SLC24A2: variants seen among roughly 807,000 people sequenced by gnomAD.
The protein encoded by SLC24A2 is sodium/potassium/calcium exchanger 2.
In SLC24A2, 36 loss-of-function variants were observed where a neutral mutation model predicts 62.0. The ratio of observed to expected loss-of-function variants is 0.58; its 90% CI spans 0.44 to 0.77. The LOEUF (loss-of-function observed/expected upper bound fraction) is 0.77, where lower values mean the gene tolerates loss of function less well. Among genes scored for constraint, SLC24A2 ranks in the 30% least tolerant of loss-of-function variants. The pLI is 0.00. For missense variants in SLC24A2, 846 were observed against 817.9 expected (o/e 1.03, Z -0.42); for synonymous variants, 358 against 294.0 (o/e 1.22, Z -2.23).
At chr9:19,630,938 A>G (rs1188030121) in intron 2 of SLC24A2, among the ~76,000 whole-genome samples, 2 of 152,192 alleles carry the variant, frequency 1.3e-5, no homozygotes, top group Admixed American at 1.3e-4. Context: ...TGTCACGAAG[A>G]TGAGTTATAA....
chr9:20,089,197 A>G, the SLC24A2 span, among the ~76,000 whole-genome samples: 15,711 of 152,106 alleles, frequency 0.1, 1,329 homozygotes, highest in African/African-American at 0.23. Flanking sequence ...AGGGACCAGA[A>G]ACTGGTCTGG....
chr9:19,523,662 C>T (rs1484298783), intron 9 of SLC24A2, among the ~76,000 whole-genome samples: 2 of 152,096 alleles, frequency 1.3e-5, no homozygotes, highest in African/African-American at 2.4e-5. Context: ...GGGGTTTCAC[C>T]ACGTTGGCCA....
At chr9:19,740,075 GA>G (rs943081454) in intron 2 of SLC24A2, among the ~76,000 whole-genome samples, 1 of 152,124 alleles carries the variant, frequency 6.6e-6, no homozygotes, top group Non-Finnish European at 1.5e-5. Context: ...CGGTCAAAAT[GA>G]AAAATACAGA....
intron 5 of SLC24A2, among the ~76,000 whole-genome samples, chr9:19,592,289 T>C (rs1836575756): frequency 6.6e-6 from 1 of 152,216 alleles, no homozygotes. Flanking sequence ...TTTTTGCCCT[T>C]GATATCACAA....
the SLC24A2 span, among the ~76,000 whole-genome samples, chr9:20,016,602 T>C: frequency 3.9e-5 from 6 of 152,244 alleles, no homozygotes; most frequent in African/African-American, 1.4e-4. Context: ...GTATGATTTA[T>C]TTTACTCTTC....
chr9:19,738,585 T>G (rs564549776), intron 2 of SLC24A2, among the ~76,000 whole-genome samples: 1 of 151,876 alleles, frequency 6.6e-6, no homozygotes, highest in Non-Finnish European at 1.5e-5. Flanking sequence ...GCTGTATATA[T>G]AGAAAAGTAT....
At chr9:20,301,955 C>T in the SLC24A2 span, among the ~76,000 whole-genome samples, 51,073 of 151,960 alleles carry the variant, frequency 0.34, 8,933 homozygotes, top group South Asian at 0.59. Context: ...ACTGTCTTCA[C>T]AGTTTTGCCT....
rs529512568 is a variant in SLC24A2 at position 19,637,117 on chromosome 9, C to A, written c.931-14818G>T. ...ACGGAAAGGAGGAATTCCAAAAGGA[C>A]CCGTCTAGCCCATCCAGTTGACAGC... On this transcript the variant is annotated intron_variant, in intron 2 of 10. Transcript: ENST00000341998. 5.1e-4 allele frequency among the ~76,000 whole-genome samples: 77 copies of A among 152,306 alleles called. 1 individual carries two copies. In the South Asian group the frequency reaches 0.014, roughly 28 times the overall value.
At chr9:20,090,996 A>G in the SLC24A2 span, among the ~76,000 whole-genome samples, 1 of 152,212 alleles carries the variant, frequency 6.6e-6, no homozygotes, top group Non-Finnish European at 1.5e-5. Flanking sequence ...AATAGACAGT[A>G]TAAAACAGAA....
chr9:19,685,591 C>T (rs1004891953), intron 2 of SLC24A2, among the ~76,000 whole-genome samples: 2 of 151,890 alleles, frequency 1.3e-5, no homozygotes, highest in Non-Finnish European at 2.9e-5. Flanking sequence ...ACCTATGGAA[C>T]ACAATAGAGA....
chr9:19,890,697 T>C, the SLC24A2 span, among the ~76,000 whole-genome samples: 66 of 152,274 alleles, frequency 4.3e-4, no homozygotes, highest in African/African-American at 1.5e-3. Flanking sequence ...ACTGTTTTGA[T>C]ACAGGAGTCT....
At chr9:19,557,918 C>T (rs1324657614) in intron 7 of SLC24A2, among the ~76,000 whole-genome samples, 2 of 151,712 alleles carry the variant, frequency 1.3e-5, no homozygotes, top group African/African-American at 4.9e-5. Context: ...TCCCTGGGCT[C>T]AAGCAATCCT....
intron 8 of SLC24A2, among the ~76,000 whole-genome samples, chr9:19,534,735 C>A (rs921464628): frequency 6.6e-5 from 10 of 152,134 alleles, no homozygotes; most frequent in Non-Finnish European, 1.0e-4. Flanking sequence ...ATATGTGGCA[C>A]ATTTTCTTTA....
At chr9:19,962,486 T>G in the SLC24A2 span, among the ~76,000 whole-genome samples, 10 of 152,366 alleles carry the variant, frequency 6.6e-5, 1 homozygote, top group South Asian at 2.1e-3. Flanking sequence ...TGATTCTTCC[T>G]ACCCATGAGC....
chr9:19,948,718 G>C, the SLC24A2 span, among the ~76,000 whole-genome samples: 30 of 151,086 alleles, frequency 2.0e-4, no homozygotes, highest in South Asian at 5.6e-3. Flanking sequence ...AGTGGCGGGC[G>C]CCTGTAGTCC....
the SLC24A2 span, among the ~76,000 whole-genome samples, chr9:20,236,114 T>C: frequency 6.6e-6 from 1 of 152,314 alleles, no homozygotes; most frequent in Admixed American, 6.5e-5. Context: ...GGTGAATTTT[T>C]AATAAAGTAT....
chr9:19,959,398 A>C, the SLC24A2 span, among the ~76,000 whole-genome samples: 1 of 152,218 alleles, frequency 6.6e-6, no homozygotes, highest in African/African-American at 2.4e-5. Context: ...GCTTATGTAT[A>C]AGAGTCAAGC....
intron 2 of SLC24A2, among the ~76,000 whole-genome samples, chr9:19,662,795 A>C (rs1227630270): frequency 6.6e-6 from 1 of 152,142 alleles, no homozygotes; most frequent in Non-Finnish European, 1.5e-5. Context: ...CATTTTCTGA[A>C]TATCTTTTAT....
chr9:20,097,932 C>T, the SLC24A2 span, among the ~76,000 whole-genome samples: 2 of 151,238 alleles, frequency 1.3e-5, no homozygotes, highest in African/African-American at 4.9e-5. Context: ...TTAGTAGAGA[C>T]GGGGTTTCAC....
Sources: gnomAD v4.1 joint callset for allele counts (sites outside exome capture counted in the v4.1 genomes callset) on GRCh38, gnomAD v4.1.1 for gene constraint, MANE v1.5 for transcripts, NCBI Gene and HGNC (gene_info 2026-07-23, HGNC 2026-07-21) for gene names.